Variants in TAOK1 observed in about 807,000 individuals in gnomAD.
TAOK1 encodes the protein TAO kinase 1.
Under a neutral mutation model 138.3 loss-of-function variants are expected in TAOK1, and 21 were observed. That is an observed-to-expected ratio of 0.15 (90% CI 0.11 to 0.22). The LOEUF (loss-of-function observed/expected upper bound fraction) is 0.22. Ranked by LOEUF, TAOK1 falls within the 10% of genes least tolerant of loss-of-function variation. The pLI, the probability that TAOK1 is intolerant of heterozygous loss-of-function variation, is 1.00. For synonymous variants in TAOK1, 361 were observed against 398.4 expected (o/e 0.91, Z 1.12); for missense variants, 651 against 1,227.7 (o/e 0.53, Z 7.02).
chr17:29,406,178 C>T (rs548432352), intron 1 of TAOK1, among the ~76,000 whole-genome samples: 1 of 152,114 alleles, frequency 6.6e-6, no homozygotes, highest in African/African-American at 2.4e-5. Context: ...GGCTTTTACC[C>T]ATTAGATGCC....
At chr17:29,507,802 A>T (rs770061990) in intron 13 of TAOK1, 94 bp from the exon 14 acceptor site, 2 of 1,126,794 alleles carry the variant, frequency 1.8e-6, no homozygotes, top group African/African-American at 3.1e-5. Flanking sequence ...ATTTTACACT[A>T]ATTCCCTACT....
intron 17 of TAOK1, among the ~76,000 whole-genome samples, chr17:29,524,233 A>G (rs894241262): frequency 6.6e-6 from 1 of 152,142 alleles, no homozygotes; most frequent in Non-Finnish European, 1.5e-5. Context: ...GGAGATACAT[A>G]ATCATTTAGC....
chr17:29,394,150 GTTTTTTTTTTTTTTTTTTTT>G (rs58117433), intron 1 of TAOK1, among the ~76,000 whole-genome samples: 1 of 48,246 alleles, frequency 2.1e-5, no homozygotes, highest in Non-Finnish European at 3.6e-5. Flanking sequence ...TAATTTGCCA[GTTTTTTTTTTTTTTTTTTTT>G]TTTTTTTTTT....
At chr17:29,423,863 C>A (rs1015356391) in intron 1 of TAOK1, among the ~76,000 whole-genome samples, 1 of 152,006 alleles carries the variant, frequency 6.6e-6, no homozygotes, top group Non-Finnish European at 1.5e-5. Flanking sequence ...GCCTGCCCAA[C>A]ATGGCGAAAC....
At chr17:29,437,609 A>G (rs1023243009) in intron 1 of TAOK1, among the ~76,000 whole-genome samples, 1 of 152,210 alleles carries the variant, frequency 6.6e-6, no homozygotes. Flanking sequence ...AATGTATAAG[A>G]TATAATAATC....
At position 29,545,261 on chromosome 17, in the gene TAOK1, A is replaced by G. The variant is rs1029886458; in HGVS notation, c.*2239A>G. On this transcript the variant is annotated 3_prime_UTR_variant, in exon 20 of 20. Coordinates refer to ENST00000261716, the MANE Select transcript of TAOK1 (RefSeq NM_020791.4). The stretch of plus-strand genomic sequence containing the variant: ...TTATAGCGTTTCCAACAAATTGAGA[A>G]ATTACTTATTTGGTGTAAAATGACG... The G allele has an allele frequency of 2.9e-5, 4 of 135,796 alleles. No individual in the cohort carries two copies. The highest frequency in any genetic ancestry group is 8.5e-5 in the African/African-American group (3 of 35,266). The allele number at this position is 135,796 out of a possible 1,614,324, so 8.4% of individuals were successfully genotyped here.
chr17:29,406,975 T>A (rs1905008862), intron 1 of TAOK1, among the ~76,000 whole-genome samples: 1 of 152,184 alleles, frequency 6.6e-6, no homozygotes, highest in Non-Finnish European at 1.5e-5. Flanking sequence ...CATGTAACCA[T>A]CACAAAGAAC....
In TAOK1 at chr17:29,546,726, CTGTA is replaced by C. The variant is rs2150781636; in HGVS notation, c.*3708_*3711del. 1 of 152,088 alleles carries C rather than the reference CTGTA, an allele frequency of 6.6e-6. No homozygotes were observed. Among genetic ancestry groups the C allele is most frequent in the African/African-American group, 2.4e-5 (1 of 41,498 alleles). 9.4% of individuals were successfully genotyped at this position (152,088 alleles called of 1,614,324 possible). The stretch of plus-strand genomic sequence containing the variant: ...ATATATTGTATATACATATGAGTGT[CTGTA>C]TGTGTGTATAGATGGATGGATGTAA... On this transcript the variant is annotated 3_prime_UTR_variant, in exon 20 of 20. Coordinates refer to ENST00000261716, the MANE Select transcript of TAOK1 (RefSeq NM_020791.4).
chr17:29,490,313 A>G lies in TAOK1; in HGVS notation c.749+556A>G, dbSNP rs574644354. Among the ~76,000 whole-genome samples the G allele has an allele frequency of 1.6e-4, 24 of 152,168 alleles. No homozygotes were observed. The South Asian group carries it at 2.9e-3, about 18-fold the overall frequency. On this transcript the variant is annotated intron_variant, in intron 9 of 19. Transcript: ENST00000261716. ...TGTTAAAATTTAGTTCATTCATGTA[A>G]AGAGGTTTATGGACAACAGATTGAC...
chr17:29,452,243 A>C (rs2061732175), intron 2 of TAOK1, among the ~76,000 whole-genome samples: 1 of 152,100 alleles, frequency 6.6e-6, no homozygotes, highest in South Asian at 2.1e-4. Context: ...TAAATAAATA[A>C]ATAAACAAAT....
At chr17:29,474,371 CT>C (rs1473891855) in intron 3 of TAOK1, among the ~76,000 whole-genome samples, 4 of 152,312 alleles carry the variant, frequency 2.6e-5, no homozygotes, top group African/African-American at 9.6e-5. Context: ...AAAGGCCTAG[CT>C]TCAAAGCCTG....
intron 1 of TAOK1, among the ~76,000 whole-genome samples, chr17:29,431,493 T>C (rs1045867489): frequency 1.3e-5 from 2 of 149,284 alleles, no homozygotes; most frequent in Non-Finnish European, 3.0e-5. Context: ...CTAAATTGGA[T>C]ACATTAGTGT....
intron 13 of TAOK1, among the ~76,000 whole-genome samples, chr17:29,505,698 G>A (rs1257445407): frequency 2.7e-5 from 4 of 150,192 alleles, no homozygotes; most frequent in African/African-American, 7.4e-5. Context: ...GCAAGACTTC[G>A]TCTCAAAAAA....
intron 1 of TAOK1, among the ~76,000 whole-genome samples, chr17:29,397,645 T>TAC (rs1323012400): frequency 0.039 from 5,254 of 134,608 alleles, 364 homozygotes; most frequent in Non-Finnish European, 0.061. Flanking sequence ...TATACATGTA[T>TAC]ATATGTATAT....
intron 4 of TAOK1, among the ~76,000 whole-genome samples, chr17:29,476,548 C>T (rs559420576): frequency 2.0e-5 from 3 of 152,248 alleles, no homozygotes; most frequent in African/African-American, 7.2e-5. Flanking sequence ...ATAAAAAATA[C>T]CTGGCACATA....
At chr17:29,398,984 ATTTT>A (rs529390776) in intron 1 of TAOK1, among the ~76,000 whole-genome samples, 3 of 138,404 alleles carry the variant, frequency 2.2e-5, no homozygotes, top group Admixed American at 7.3e-5. Context: ...CATTGAGATA[ATTTT>A]TTTTTTTTTT....
chr17:29,480,930 G>C (rs1248605565), intron 7 of TAOK1, among the ~76,000 whole-genome samples: 1 of 148,346 alleles, frequency 6.7e-6, no homozygotes, highest in African/African-American at 2.5e-5. Context: ...TTGAAGACAT[G>C]AATTAGTGAT....
At chr17:29,525,493 C>G (rs1165258688) in intron 17 of TAOK1, among the ~76,000 whole-genome samples, 1 of 152,058 alleles carries the variant, frequency 6.6e-6, no homozygotes, top group Admixed American at 6.6e-5. Context: ...CAACCTCTGC[C>G]TCCCAGGATC....
intron 2 of TAOK1, among the ~76,000 whole-genome samples, chr17:29,456,445 TCTTTA>T (rs1164038408): frequency 2.0e-5 from 3 of 150,426 alleles, no homozygotes; most frequent in Admixed American, 6.6e-5. Flanking sequence ...AGATTCAATC[TCTTTA>T]CTTATGATAG....
Sources: gnomAD v4.1 joint callset for allele counts (sites outside exome capture counted in the v4.1 genomes callset) on GRCh38, gnomAD v4.1.1 for gene constraint, MANE v1.5 for transcripts, NCBI Gene and HGNC (gene_info 2026-07-23, HGNC 2026-07-21) for gene names.